Variants in SLC8A1 observed in about 807,000 individuals in gnomAD.
The protein encoded by SLC8A1 is sodium/calcium exchanger 1.
A neutral mutation model predicts 68.3 loss-of-function variants in SLC8A1; 18 were observed. The observed-to-expected ratio is 0.26, with a 90% confidence interval of 0.18 to 0.39. The LOEUF (loss-of-function observed/expected upper bound fraction) is 0.39. Among genes scored for constraint, SLC8A1 ranks in the 10% least tolerant of loss-of-function variants. SLC8A1 has a pLI of 1.00. For synonymous variants in SLC8A1, 475 were observed against 415.5 expected, an observed-to-expected ratio of 1.14 and a Z score of -1.74; for missense variants, 985 against 1,156.7, an observed-to-expected ratio of 0.85 and a Z score of 2.15.
chr2:40,213,783 C>T (rs1404020668), intron 2 of SLC8A1, among the ~76,000 whole-genome samples: 1 of 152,222 alleles, frequency 6.6e-6, no homozygotes, highest in Non-Finnish European at 1.5e-5. Flanking sequence ...TTCTCTCACA[C>T]TGCCAAGCCT....
rs58993606 is a variant in SLC8A1 at position 40,413,137 on chromosome 2, T to C, written c.1808+15336A>G. On this transcript the variant is annotated intron_variant, in intron 2 of 7. Transcript: ENST00000406785. Reference sequence around the variant, plus strand: ...GAGAGGATGTGGAGAAATAGGAACATTTTTACACTGTTGGTGGGACTGTAA... The same window carrying C: ...GAGAGGATGTGGAGAAATAGGAACACTTTTACACTGTTGGTGGGACTGTAA... 9.9e-3 allele frequency among the ~76,000 whole-genome samples: 1,513 copies of C among 152,168 alleles called. 24 individuals carry two copies. The highest frequency in any genetic ancestry group is 0.034 in the African/African-American group (1,408 of 41,552).
intron 3 of SLC8A1, among the ~76,000 whole-genome samples, chr2:40,176,689 GTCT>G (rs1473271843): frequency 2.0e-5 from 3 of 152,120 alleles, no homozygotes; most frequent in Non-Finnish European, 2.9e-5. Flanking sequence ...TTTCCTATGT[GTCT>G]ACATAGCAAT....
chr2:40,451,503 C>A (rs1702480449), intron 1 of SLC8A1, among the ~76,000 whole-genome samples: 1 of 152,144 alleles, frequency 6.6e-6, no homozygotes, highest in Admixed American at 6.5e-5. Context: ...TGGGTGGGGA[C>A]GCCTGGATCC....
chr2:40,412,612 G>A (rs1188426513), intron 2 of SLC8A1, among the ~76,000 whole-genome samples: 4 of 152,096 alleles, frequency 2.6e-5, no homozygotes, highest in Non-Finnish European at 5.9e-5. Flanking sequence ...AGGCACTACT[G>A]ACTGTATAGA....
intron 6 of SLC8A1, among the ~76,000 whole-genome samples, chr2:40,160,337 G>C (rs1389645927): frequency 1.3e-5 from 2 of 152,194 alleles, no homozygotes; most frequent in Admixed American, 6.5e-5. Flanking sequence ...TTGTTGAAGA[G>C]AGTGTAAAAT....
chr2:40,337,002 A>G (rs1666171899), intron 2 of SLC8A1, among the ~76,000 whole-genome samples: 1 of 152,192 alleles, frequency 6.6e-6, no homozygotes, highest in South Asian at 2.1e-4. Flanking sequence ...TAGCATCCTT[A>G]AAGATGCCTA....
chr2:40,349,727 T>C (rs1257908961), intron 2 of SLC8A1, among the ~76,000 whole-genome samples: 2 of 152,128 alleles, frequency 1.3e-5, no homozygotes, highest in African/African-American at 2.4e-5. Context: ...TCTGCAAAAG[T>C]GCCAGCCTTA....
At chr2:40,197,280 C>T (rs1319808458) in intron 2 of SLC8A1, among the ~76,000 whole-genome samples, 2 of 152,022 alleles carry the variant, frequency 1.3e-5, no homozygotes. Flanking sequence ...CATGTAACTG[C>T]TATTTTCCCT....
intron 2 of SLC8A1, among the ~76,000 whole-genome samples, chr2:40,375,270 C>G (rs1301724915): frequency 1.3e-5 from 2 of 152,000 alleles, no homozygotes; most frequent in Admixed American, 6.6e-5. Context: ...GTACCTTTGG[C>G]TTTGATGAAT....
At chr2:40,181,046 G>A (rs191239506) in intron 2 of SLC8A1, among the ~76,000 whole-genome samples, 294 of 150,950 alleles carry the variant, frequency 1.9e-3, no homozygotes, top group South Asian at 0.011. Context: ...TGCAACCTCC[G>A]CCTCCCAGGT....
chr2:40,115,392 C>T, exon 8 of SLC8A1: 1 of 1,614,068 alleles, frequency 6.2e-7, no homozygotes, highest in Non-Finnish European at 8.5e-7. Context: ...TGGCCTCCGC[C>T]GATACAGCAG....
intron 4 of SLC8A1, among the ~76,000 whole-genome samples, chr2:40,168,479 T>C (rs2046924591): frequency 6.6e-6 from 1 of 152,154 alleles, no homozygotes; most frequent in Non-Finnish European, 1.5e-5. Context: ...AACTGAGAAA[T>C]GGCAGCTGTA....
At chr2:40,247,361 A>C (rs1053831070) in intron 2 of SLC8A1, among the ~76,000 whole-genome samples, 2 of 152,162 alleles carry the variant, frequency 1.3e-5, no homozygotes, top group East Asian at 3.9e-4. Context: ...TTCACTTGCC[A>C]CGTGTTTGAG....
intron 6 of SLC8A1, among the ~76,000 whole-genome samples, chr2:40,143,589 A>G (rs1419275149): frequency 6.6e-6 from 1 of 152,146 alleles, no homozygotes; most frequent in African/African-American, 2.4e-5. Context: ...CCTGATACAC[A>G]CTGGACTTCT....
chr2:40,428,570 T>C (rs1269762040), exon 2 of SLC8A1: 1 of 1,613,906 alleles, frequency 6.2e-7, no homozygotes, highest in Non-Finnish European at 8.5e-7. Flanking sequence ...TATGGAACGA[T>C]AACATTTCCT....
At chr2:40,452,768 G>A (rs1702710122), upstream of SLC8A1, among the ~76,000 whole-genome samples, 1 of 150,694 alleles carries the variant, frequency 6.6e-6, no homozygotes, top group African/African-American at 2.4e-5. Context: ...ATATTCGGGG[G>A]AGGGTGTCCC....
intron 2 of SLC8A1, among the ~76,000 whole-genome samples, chr2:40,234,539 C>T (rs1210292966): frequency 6.6e-6 from 1 of 152,120 alleles, no homozygotes; most frequent in African/African-American, 2.4e-5. Context: ...ATCATGTCTT[C>T]TGCAAAAAGG....
intron 2 of SLC8A1, among the ~76,000 whole-genome samples, chr2:40,367,956 C>T (rs923505269): frequency 4.0e-5 from 6 of 149,986 alleles, no homozygotes; most frequent in Admixed American, 3.3e-4. Flanking sequence ...TAAATTCAGT[C>T]CTTCATATTT....
intron 2 of SLC8A1, among the ~76,000 whole-genome samples, chr2:40,290,331 C>T (rs1223580947): frequency 6.6e-6 from 1 of 151,900 alleles, no homozygotes; most frequent in Non-Finnish European, 1.5e-5. Flanking sequence ...TCTGTATCTT[C>T]TAGTTGACCC....
Sources: allele counts gnomAD v4.1 joint callset (sites outside exome capture counted in the v4.1 genomes callset), GRCh38; gene constraint gnomAD v4.1.1; transcripts MANE v1.5; gene names NCBI Gene and HGNC (gene_info 2026-07-23, HGNC 2026-07-21).